RSRC1: variants seen among roughly 807,000 people sequenced by gnomAD.
RSRC1 encodes the protein serine/Arginine-related protein 53.
RSRC1 carries 39 observed loss-of-function variants against 49.1 expected under a neutral mutation model. That is an observed-to-expected ratio of 0.79 (90% CI 0.61 to 1.04). The LOEUF is 1.04. Ranked by LOEUF, RSRC1 falls within the 50% of genes least tolerant of loss-of-function variation. RSRC1 has a pLI of 0.00. For synonymous variants in RSRC1, 143 were observed against 130.8 expected, an observed-to-expected ratio of 1.09 and a Z score of -0.63; for missense variants, 388 against 402.4, an observed-to-expected ratio of 0.96 and a Z score of 0.31.
chr3:158,355,011 A>G (rs1731084998), intron 6 of RSRC1, 103 bp downstream of exon 6: 11 of 688,046 alleles, frequency 1.6e-5, no homozygotes, highest in South Asian at 2.6e-5. Flanking sequence ...CTATTTTTAT[A>G]TATCCTCACA....
At chr3:158,541,787 C>G (rs1243292338) in intron 8 of RSRC1, among the ~76,000 whole-genome samples, 1 of 151,936 alleles carries the variant, frequency 6.6e-6, no homozygotes, top group Non-Finnish European at 1.5e-5. Context: ...CTGATCTAAT[C>G]CATTTCATAT....
chr3:158,246,052 T>C (rs377131683), intron 4 of RSRC1, among the ~76,000 whole-genome samples: 3 of 152,286 alleles, frequency 2.0e-5, no homozygotes, highest in African/African-American at 7.2e-5. Context: ...GATAGCATTG[T>C]TCGCCCACTT....
chr3:158,178,082 A>C (rs547990516), intron 3 of RSRC1, among the ~76,000 whole-genome samples: 15 of 151,744 alleles, frequency 9.9e-5, no homozygotes, highest in Middle Eastern at 3.4e-3. Flanking sequence ...TAATTATTTG[A>C]ATCTTCTGTT....
At chr3:158,220,581 G>A (rs962420450) in intron 4 of RSRC1, among the ~76,000 whole-genome samples, 1 of 151,538 alleles carries the variant, frequency 6.6e-6, no homozygotes, top group Non-Finnish European at 1.5e-5. Context: ...ATATGTTTAA[G>A]TTTATTTTTA....
chr3:158,460,816 T>G, intron 6 of RSRC1, 119 bp from the exon 7 acceptor site: 1 of 508,872 alleles, frequency 2.0e-6, no homozygotes, highest in Non-Finnish European at 3.5e-6. Context: ...ACTGCCTTGT[T>G]TCTTTCTTGT....
At chr3:158,174,468 C>G (rs1719077812) in intron 3 of RSRC1, among the ~76,000 whole-genome samples, 2 of 151,890 alleles carry the variant, frequency 1.3e-5, no homozygotes, top group Admixed American at 1.3e-4. Context: ...CTACTGAGGT[C>G]AAGAATTAGA....
intron 1 of RSRC1, among the ~76,000 whole-genome samples, chr3:158,117,498 C>A (rs1418165274): frequency 1.0e-5 from 1 of 97,420 alleles, no homozygotes; most frequent in African/African-American, 5.5e-5. Context: ...ACCATGTTGC[C>A]CAGGCTGGTC....
chr3:158,516,956 C>T (rs1048329037), intron 7 of RSRC1, among the ~76,000 whole-genome samples: 2 of 152,178 alleles, frequency 1.3e-5, no homozygotes, highest in Non-Finnish European at 2.9e-5. Flanking sequence ...TGCTTTGGCT[C>T]GTGCACGGTG....
At chr3:158,440,159 AAG>A (rs1347566180) in intron 6 of RSRC1, among the ~76,000 whole-genome samples, 1 of 148,680 alleles carries the variant, frequency 6.7e-6, no homozygotes, top group African/African-American at 2.4e-5. Flanking sequence ...ATAATTGTGA[AAG>A]AGTGTGGTAT....
intron 3 of RSRC1, among the ~76,000 whole-genome samples, chr3:158,199,001 CT>C (rs1223890578): frequency 6.6e-6 from 1 of 152,168 alleles, no homozygotes; most frequent in South Asian, 2.1e-4. Flanking sequence ...CAAATCTCAT[CT>C]TGTAGCTCCC....
intron 4 of RSRC1, among the ~76,000 whole-genome samples, chr3:158,255,286 T>G (rs1324923478): frequency 1.3e-5 from 2 of 152,232 alleles, no homozygotes; most frequent in Non-Finnish European, 2.9e-5. Context: ...TACATATGGC[T>G]AGCCAGTTTT....
At chr3:158,509,817 C>A (rs985726096) in intron 7 of RSRC1, among the ~76,000 whole-genome samples, 1 of 152,026 alleles carries the variant, frequency 6.6e-6, no homozygotes, top group Non-Finnish European at 1.5e-5. Flanking sequence ...TTAGACTGTA[C>A]CAAAACTTAC....
At chr3:158,115,349 T>C (rs989513299) in intron 1 of RSRC1, among the ~76,000 whole-genome samples, 1 of 152,116 alleles carries the variant, frequency 6.6e-6, no homozygotes, top group African/African-American at 2.4e-5. Flanking sequence ...TTCCTTTTTT[T>C]CTGCTTGTTT....
At chr3:158,431,487 A>G (rs1421993031) in intron 6 of RSRC1, among the ~76,000 whole-genome samples, 2 of 151,906 alleles carry the variant, frequency 1.3e-5, no homozygotes, top group Non-Finnish European at 2.9e-5. Flanking sequence ...TTAAAATTAG[A>G]CTAAGTTTCT....
chr3:158,149,508 G>T (rs965189529), intron 3 of RSRC1, among the ~76,000 whole-genome samples: 1 of 152,152 alleles, frequency 6.6e-6, no homozygotes, highest in Non-Finnish European at 1.5e-5. Context: ...AGATGCGATG[G>T]TCTAAGTGAA....
chr3:158,175,764 T>C (rs1719169509), intron 3 of RSRC1, among the ~76,000 whole-genome samples: 1 of 152,238 alleles, frequency 6.6e-6, no homozygotes, highest in African/African-American at 2.4e-5. Context: ...AACGTAGATT[T>C]GGTCTTTTTA....
chr3:158,436,557 A>G (rs1248977389), intron 6 of RSRC1, among the ~76,000 whole-genome samples: 1 of 151,954 alleles, frequency 6.6e-6, no homozygotes, highest in African/African-American at 2.4e-5. Flanking sequence ...TATTGGAGAA[A>G]CCACTTTACA....
intron 3 of RSRC1, among the ~76,000 whole-genome samples, chr3:158,141,282 T>C (rs1046260298): frequency 6.6e-6 from 1 of 152,234 alleles, no homozygotes; most frequent in Non-Finnish European, 1.5e-5. Flanking sequence ...TGGTTGCTGG[T>C]TGATTCTTAA....
chr3:158,283,826 A>G (rs1726328138), intron 4 of RSRC1, among the ~76,000 whole-genome samples: 1 of 151,508 alleles, frequency 6.6e-6, no homozygotes, highest in Non-Finnish European at 1.5e-5. Context: ...GCAGTGCATG[A>G]GGATACCTGA....
Sources: gnomAD v4.1 joint callset for allele counts (sites outside exome capture counted in the v4.1 genomes callset) on GRCh38, gnomAD v4.1.1 for gene constraint, MANE v1.5 for transcripts, NCBI Gene and HGNC (gene_info 2026-07-23, HGNC 2026-07-21) for gene names.